CTNNA3: variants seen among roughly 807,000 people sequenced by gnomAD.
CTNNA3 encodes catenin alpha 3.
Under a neutral mutation model 95.7 loss-of-function variants are expected in CTNNA3, and 76 were observed. The observed-to-expected ratio is 0.79, with a 90% confidence interval of 0.66 to 0.96. The LOEUF is 0.96. Ranked by LOEUF, CTNNA3 falls within the 40% of genes least tolerant of loss-of-function variation. The pLI is 0.00. For missense variants in CTNNA3, 1,191 were observed against 1,089.8 expected, an observed-to-expected ratio of 1.09 and a Z score of -1.31; for synonymous variants, 431 against 374.4, an observed-to-expected ratio of 1.15 and a Z score of -1.74.
At chr10:67,638,382 A>C (rs1213943909) in intron 2 of CTNNA3, among the ~76,000 whole-genome samples, 5 of 152,186 alleles carry the variant, frequency 3.3e-5, no homozygotes. Flanking sequence ...ACCTATAAAG[A>C]GACTTAGACT....
chr10:67,398,581 A>G (rs906173611), intron 5 of CTNNA3, among the ~76,000 whole-genome samples: 1 of 152,186 alleles, frequency 6.6e-6, no homozygotes, highest in African/African-American at 2.4e-5. Flanking sequence ...ACTGTTAGGA[A>G]GGCATGATTG....
At chr10:66,226,286 C>T (rs1460470143) in intron 13 of CTNNA3, among the ~76,000 whole-genome samples, 2 of 152,084 alleles carry the variant, frequency 1.3e-5, no homozygotes, top group Non-Finnish European at 2.9e-5. Context: ...CTAGGTTTGT[C>T]AGCACCATTT....
chr10:66,239,402 T>C (rs1210754549), intron 13 of CTNNA3, among the ~76,000 whole-genome samples: 1 of 151,994 alleles, frequency 6.6e-6, no homozygotes, highest in Non-Finnish European at 1.5e-5. Context: ...GTCTGGGGTA[T>C]ATTACCCTTA....
At chr10:65,956,110 G>T (rs904251396) in intron 17 of CTNNA3, among the ~76,000 whole-genome samples, 6 of 152,150 alleles carry the variant, frequency 3.9e-5, no homozygotes, top group African/African-American at 1.4e-4. Flanking sequence ...TCCTGGTTTA[G>T]TCTTGGGAGG....
At chr10:66,271,057 A>G (rs2091271114) in intron 13 of CTNNA3, among the ~76,000 whole-genome samples, 1 of 152,096 alleles carries the variant, frequency 6.6e-6, no homozygotes, top group South Asian at 2.1e-4. Context: ...GGTAAGAGAA[A>G]ATGTTCTTCA....
chr10:67,197,052 A>G (rs921189986), intron 6 of CTNNA3, among the ~76,000 whole-genome samples: 2 of 152,116 alleles, frequency 1.3e-5, no homozygotes, highest in African/African-American at 4.8e-5. Context: ...TAAGATTGTC[A>G]TTAAAACTAA....
rs1589182506 is a variant in CTNNA3, at chr10:67,336,420, T to C, written c.580-116550A>G. ...AAGAAAAGTTGGAAGCTCGCAGAGG[T>C]TGGTTTATAAGATTTAGGGAAAGAA... On this transcript the variant is annotated intron_variant, in intron 5 of 17. Transcript: ENST00000433211. Among the ~76,000 whole-genome samples the C allele has an allele frequency of 2.6e-5, 4 of 152,218 alleles. No individual in the cohort carries two copies. In the South Asian group the frequency reaches 8.3e-4, roughly 32 times the overall value.
chr10:67,111,115 T>G (rs1420358092), intron 7 of CTNNA3, among the ~76,000 whole-genome samples: 1 of 152,192 alleles, frequency 6.6e-6, no homozygotes, highest in Non-Finnish European at 1.5e-5. Flanking sequence ...TTCACGTTTA[T>G]GTCTTCTTCA....
chr10:66,534,299 C>A (rs921625178), intron 10 of CTNNA3, among the ~76,000 whole-genome samples: 1 of 151,990 alleles, frequency 6.6e-6, no homozygotes, highest in Non-Finnish European at 1.5e-5. Context: ...AATTTTACCA[C>A]ACATTTAAGG....
chr10:67,062,254 A>T (rs1855801207), intron 7 of CTNNA3, among the ~76,000 whole-genome samples: 1 of 152,160 alleles, frequency 6.6e-6, no homozygotes, highest in Admixed American at 6.6e-5. Context: ...GTGTGATCAA[A>T]AGCCCATATT....
At chr10:67,330,772 TC>T in intron 5 of CTNNA3, among the ~76,000 whole-genome samples, 1 of 151,954 alleles carries the variant, frequency 6.6e-6, no homozygotes, top group African/African-American at 2.4e-5. Context: ...TACAGATCAC[TC>T]CCCAAACCTT....
chr10:67,244,012 G>C (rs1865813287), intron 5 of CTNNA3, among the ~76,000 whole-genome samples: 1 of 152,144 alleles, frequency 6.6e-6, no homozygotes, highest in Non-Finnish European at 1.5e-5. Flanking sequence ...CCACTTTAAA[G>C]TAATGAGAAA....
chr10:67,688,131 A>G (rs1840769350), intron 1 of CTNNA3, among the ~76,000 whole-genome samples: 1 of 152,176 alleles, frequency 6.6e-6, no homozygotes, highest in African/African-American at 2.4e-5. Context: ...ACCCTGTAAG[A>G]CATCTATATA....
chr10:65,953,997 C>A (rs2077677380), intron 17 of CTNNA3, among the ~76,000 whole-genome samples: 1 of 152,192 alleles, frequency 6.6e-6, no homozygotes, highest in Non-Finnish European at 1.5e-5. Flanking sequence ...TTTACAGTCC[C>A]ACCACCAGTG....
At chr10:65,961,214 C>G (rs187424271) in intron 17 of CTNNA3, among the ~76,000 whole-genome samples, 2 of 152,160 alleles carry the variant, frequency 1.3e-5, no homozygotes, top group East Asian at 3.9e-4. Flanking sequence ...CTCTTTCTTT[C>G]TTTCTCTCTC....
At chr10:67,253,427 T>A (rs771165605) in intron 5 of CTNNA3, among the ~76,000 whole-genome samples, 1 of 152,238 alleles carries the variant, frequency 6.6e-6, no homozygotes, top group Admixed American at 6.5e-5. Context: ...GAAATTACTA[T>A]ATTTTTAGAC....
At chr10:67,291,051 C>T (rs182200017) in intron 5 of CTNNA3, among the ~76,000 whole-genome samples, 1 of 152,118 alleles carries the variant, frequency 6.6e-6, no homozygotes, top group Non-Finnish European at 1.5e-5. Context: ...ACTCCGGAGT[C>T]AGATGCACAA....
chr10:66,216,710 ATAAT>A (rs1456890302), intron 13 of CTNNA3, among the ~76,000 whole-genome samples: 1 of 152,198 alleles, frequency 6.6e-6, no homozygotes, highest in East Asian at 1.9e-4. Flanking sequence ...TTATTTTAAA[ATAAT>A]TAAATATTAT....
chr10:67,308,818 A>G (rs1840665767), intron 5 of CTNNA3, among the ~76,000 whole-genome samples: 1 of 152,196 alleles, frequency 6.6e-6, no homozygotes, highest in Non-Finnish European at 1.5e-5. Context: ...GAACTGAGAG[A>G]CCTGTCAAAA....
Sources: allele counts gnomAD v4.1 joint callset (sites outside exome capture counted in the v4.1 genomes callset), GRCh38; gene constraint gnomAD v4.1.1; transcripts MANE v1.5; gene names NCBI Gene and HGNC (gene_info 2026-07-23, HGNC 2026-07-21).